The following PLEKHA6 variants were observed in gnomAD, a reference collection of about 807,000 sequenced individuals.
The protein encoded by PLEKHA6 is pleckstrin homology domain-containing family A member 6.
In PLEKHA6, 60 loss-of-function variants were observed where a neutral mutation model predicts 116.7. The observed-to-expected ratio is 0.51, with a 90% CI of 0.42 to 0.64. PLEKHA6 has a LOEUF of 0.64. Ranked by LOEUF, PLEKHA6 falls within the 30% of genes least tolerant of loss-of-function variation. PLEKHA6 has a pLI of 0.00. For synonymous variants in PLEKHA6, 489 were observed against 556.1 expected (o/e 0.88, Z 1.70); for missense variants, 1,338 against 1,422.7 (o/e 0.94, Z 0.96).
chr1:204,352,852 G>A (rs11577834), intron 1 of PLEKHA6, among the ~76,000 whole-genome samples: 123 of 152,124 alleles, frequency 8.1e-4, no homozygotes, highest in South Asian at 1.2e-3. Context: ...AGGTGTGGTG[G>A]TGCATGCCTG....
At chr1:204,370,081 T>C (rs976483810) in intron 2 of PLEKHA6, among the ~76,000 whole-genome samples, 1 of 152,232 alleles carries the variant, frequency 6.6e-6, no homozygotes, top group Admixed American at 6.5e-5. Flanking sequence ...AGAACCAAGA[T>C]TGAGCTCAGA....
chr1:204,308,118 C>A (rs1671467208), intron 1 of PLEKHA6, among the ~76,000 whole-genome samples: 1 of 152,170 alleles, frequency 6.6e-6, no homozygotes, highest in Non-Finnish European at 1.5e-5. Context: ...CCAGGTGAGA[C>A]TAGGAAGGGA....
At chr1:204,336,025 G>C (rs1396491510) in intron 1 of PLEKHA6, among the ~76,000 whole-genome samples, 2 of 152,086 alleles carry the variant, frequency 1.3e-5, no homozygotes, top group Admixed American at 6.5e-5. Flanking sequence ...GCTTTGTAAG[G>C]GTCCTGTACC....
At chr1:204,225,811 C>T (rs1160732473) in intron 21 of PLEKHA6, among the ~76,000 whole-genome samples, 2 of 152,242 alleles carry the variant, frequency 1.3e-5, no homozygotes, top group Non-Finnish European at 2.9e-5. Context: ...TCCACTCTCA[C>T]ACTGCATACT....
At chr1:204,372,867 C>T (rs1365477373) in intron 1 of PLEKHA6, among the ~76,000 whole-genome samples, 1 of 150,584 alleles carries the variant, frequency 6.6e-6, no homozygotes, top group Non-Finnish European at 1.5e-5. Context: ...TACAATCATA[C>T]AATACAGTCA....
chr1:204,289,327 C>A (rs1417757133), intron 1 of PLEKHA6, among the ~76,000 whole-genome samples: 1 of 152,186 alleles, frequency 6.6e-6, no homozygotes, highest in Non-Finnish European at 1.5e-5. Context: ...TACACACCCA[C>A]AATTAATAGC....
chr1:204,343,297 T>C (rs150547834), intron 1 of PLEKHA6, among the ~76,000 whole-genome samples: 6 of 152,318 alleles, frequency 3.9e-5, no homozygotes, highest in African/African-American at 1.4e-4. Flanking sequence ...AAAGCTACCA[T>C]GTACTGAATT....
intron 15 of PLEKHA6, chr1:204,243,275 A>G: frequency 2.5e-6 from 1 of 399,854 alleles, no homozygotes; most frequent in East Asian, 3.6e-5. Context: ...TGAGGCAGAC[A>G]GAAGCCAGAG....
intron 1 of PLEKHA6, among the ~76,000 whole-genome samples, chr1:204,374,609 C>T (rs1673833605): frequency 6.6e-6 from 1 of 152,160 alleles, no homozygotes; most frequent in Admixed American, 6.5e-5. Flanking sequence ...CCCTCCTCTT[C>T]CATCTTTTAT....
intron 1 of PLEKHA6, among the ~76,000 whole-genome samples, chr1:204,322,857 C>T (rs1034097686): frequency 6.6e-5 from 10 of 152,218 alleles, no homozygotes; most frequent in South Asian, 4.1e-4. Flanking sequence ...ACTGGCCCTA[C>T]GCATTTTGCA....
At chr1:204,301,563 T>C (rs1670822538) in intron 1 of PLEKHA6, 1 of 663,168 alleles carries the variant, frequency 1.5e-6, no homozygotes, top group African/African-American at 2.0e-5. Flanking sequence ...GCTTCATCTG[T>C]ACCACTTACT....
chr1:204,251,009 G>A (rs958361990), intron 9 of PLEKHA6, among the ~76,000 whole-genome samples: 1 of 152,214 alleles, frequency 6.6e-6, no homozygotes, highest in African/African-American at 2.4e-5. Flanking sequence ...GGAATGGTCG[G>A]AATGAGCATT....
chr1:204,296,220 C>T (rs1448074850), intron 1 of PLEKHA6, among the ~76,000 whole-genome samples: 1 of 152,122 alleles, frequency 6.6e-6, no homozygotes, highest in African/African-American at 2.4e-5. Flanking sequence ...TCCTCCTCCC[C>T]ATGTGGATTT....
At chr1:204,288,883 C>T (rs1669465167) in intron 1 of PLEKHA6, among the ~76,000 whole-genome samples, 1 of 152,168 alleles carries the variant, frequency 6.6e-6, no homozygotes, top group Non-Finnish European at 1.5e-5. Context: ...ACTATGCAAC[C>T]ACAGTTATTG....
At chr1:204,286,481 G>A (rs1479543883) in intron 1 of PLEKHA6, among the ~76,000 whole-genome samples, 2 of 152,108 alleles carry the variant, frequency 1.3e-5, no homozygotes, top group East Asian at 1.9e-4. Flanking sequence ...GACAGAAGCC[G>A]GCCTCCATAA....
At chr1:204,320,367 G>T (rs1157850856) in intron 1 of PLEKHA6, 2 of 386,676 alleles carry the variant, frequency 5.2e-6, no homozygotes, top group East Asian at 1.6e-4. Context: ...GCTGGTGCCA[G>T]CAGGGCCCTG....
intron 1 of PLEKHA6, among the ~76,000 whole-genome samples, chr1:204,298,929 G>A (rs969304655): frequency 6.6e-6 from 1 of 152,212 alleles, no homozygotes; most frequent in Non-Finnish European, 1.5e-5. Flanking sequence ...GACTGACCAG[G>A]AAGCTGAAAG....
intron 3 of PLEKHA6, among the ~76,000 whole-genome samples, chr1:204,269,473 C>A (rs1222492052): frequency 1.3e-5 from 2 of 148,540 alleles, no homozygotes; most frequent in African/African-American, 2.5e-5. Flanking sequence ...CACTGCCATA[C>A]AGATGAGGTT....
chr1:204,285,173 T>C (rs1000186602), intron 1 of PLEKHA6, among the ~76,000 whole-genome samples: 4 of 152,230 alleles, frequency 2.6e-5, no homozygotes, highest in Non-Finnish European at 5.9e-5. Context: ...TGGACAGCAC[T>C]AGGCTAGATG....
Sources: allele counts gnomAD v4.1 joint callset (sites outside exome capture counted in the v4.1 genomes callset), GRCh38; gene constraint gnomAD v4.1.1; transcripts MANE v1.5; gene names NCBI Gene and HGNC (gene_info 2026-07-23, HGNC 2026-07-21).